VCAN: variants seen among roughly 807,000 people sequenced by gnomAD.
VCAN encodes the protein versican.
VCAN carries 44 observed loss-of-function variants against 245.5 expected under a neutral mutation model. That is an observed-to-expected ratio of 0.18 (90% CI 0.14 to 0.23). The LOEUF is 0.23. Among genes scored for constraint, VCAN ranks in the 10% least tolerant of loss-of-function variants. The pLI is 1.00. For synonymous variants in VCAN, 1,413 were observed against 1,437.0 expected (o/e 0.98, Z 0.38); for missense variants, 3,793 against 4,057.9 (o/e 0.93, Z 1.77).
At chr5:83,488,495 G>A (rs1019893760) in intron 2 of VCAN, among the ~76,000 whole-genome samples, 1 of 152,202 alleles carries the variant, frequency 6.6e-6, no homozygotes, top group East Asian at 1.9e-4. Context: ...CTTCCTCTCA[G>A]TGGAGGATCC....
chr5:83,490,762 G>C, intron 3 of VCAN, among the ~76,000 whole-genome samples: 1 of 152,170 alleles, frequency 6.6e-6, no homozygotes, highest in East Asian at 1.9e-4. Context: ...TTACTTCAGT[G>C]TTGAGTCTTA....
chr5:83,481,474 A>G (rs1410053353), intron 1 of VCAN, among the ~76,000 whole-genome samples: 6 of 152,158 alleles, frequency 3.9e-5, no homozygotes, highest in Non-Finnish European at 8.8e-5. Flanking sequence ...TTGTAATAGC[A>G]TAGATATATG....
Position 83,520,196 on chromosome 5 carries a change from G to A in VCAN, c.1890G>A (p.Arg630=), listed in dbSNP as rs771092455. 4.3e-6 allele frequency: 7 copies of A among 1,614,004 alleles called. No individual in the cohort carries two copies. Among genetic ancestry groups the A allele is most frequent in the Non-Finnish European group, 1.7e-6 (2 of 1,179,952 alleles). The change falls in exon 7 of 15, where the codon AGG becomes AGA. Residue 630 remains arginine, a synonymous_variant. Coordinates refer to ENST00000265077, the MANE Select transcript of VCAN (RefSeq NM_004385.5). ...GGGAAGAGAGACAAACTAGTGGTAGGATAACGGAAGAGTTTCTTGGCAAAT... is the reference window on the plus strand; with the variant it reads ...GGGAAGAGAGACAAACTAGTGGTAGAATAACGGAAGAGTTTCTTGGCAAAT... ...DDWEERQTSG[R]ITEEFLGKYL... is the part of the protein sequence containing the mutation.
At chr5:83,514,830 G>A (rs1745791769) in intron 6 of VCAN, among the ~76,000 whole-genome samples, 1 of 152,132 alleles carries the variant, frequency 6.6e-6, no homozygotes, top group Admixed American at 6.6e-5. Flanking sequence ...TTCCCACATA[G>A]TCAAGTAGTG....
At chr5:83,555,373 G>A (rs2112473236) in intron 12 of VCAN, among the ~76,000 whole-genome samples, 1 of 152,290 alleles carries the variant, frequency 6.6e-6, no homozygotes. Context: ...AGAATAAAAT[G>A]TAGCAGAAAA....
chr5:83,500,987 C>G (rs1030904170), intron 5 of VCAN, among the ~76,000 whole-genome samples: 14 of 151,952 alleles, frequency 9.2e-5, no homozygotes, highest in African/African-American at 3.4e-4. Flanking sequence ...ATTATCTGAC[C>G]TTTTGTGTAG....
chr5:83,526,781 T>C (rs1057374938), intron 7 of VCAN, among the ~76,000 whole-genome samples: 2 of 152,178 alleles, frequency 1.3e-5, no homozygotes, highest in Non-Finnish European at 2.9e-5. Flanking sequence ...CTATGTGTCA[T>C]CAAGATAATA....
chr5:83,490,435 T>A lies in VCAN; in HGVS notation c.408T>A (p.Ile136=). The part of the protein sequence containing the change: ...GLYRCDVMYG[I]EDTQDTVSLT... ...ACCGCTGTGACGTCATGTACGGGATTGAAGACACACAAGACACGGTGTCAC... is the reference window on the plus strand; with the variant it reads ...ACCGCTGTGACGTCATGTACGGGATAGAAGACACACAAGACACGGTGTCAC... Residue 136 remains isoleucine, a synonymous_variant, in exon 3 of 15, where the codon ATT becomes ATA. Coordinates refer to ENST00000265077, the MANE Select transcript of VCAN (RefSeq NM_004385.5). 1 of 1,614,186 alleles carries A rather than the reference T, an allele frequency of 6.2e-7. No individual in the cohort carries two copies. The highest frequency in any genetic ancestry group is 8.5e-7 in the Non-Finnish European group (1 of 1,180,036).
intron 5 of VCAN, among the ~76,000 whole-genome samples, chr5:83,506,939 T>C (rs1405237876): frequency 1.3e-5 from 2 of 152,120 alleles, no homozygotes; most frequent in Non-Finnish European, 2.9e-5. Context: ...ATCATGAGAA[T>C]AGCACGGGGA....
In VCAN at chr5:83,537,312, G is replaced by C; in HGVS notation, c.4309G>C (p.Val1437Leu). The C allele has an allele frequency of 6.2e-7, 1 of 1,613,986 alleles. No homozygotes were observed. Among genetic ancestry groups the C allele is most frequent in the Non-Finnish European group, 8.5e-7 (1 of 1,179,960 alleles). The change falls in exon 8 of 15, where the codon GTT becomes CTT. Residue 1437 changes from valine (V) to leucine (L), a missense_variant. Transcript: ENST00000265077. The stretch of plus-strand genomic sequence containing the variant: ...AGCTAGGCGTGGCCAGTTTGAAAGT[G>C]TTGCACCTTCTCAGAATTTCTCGGA... ...AEARRGQFES[V>L]APSQNFSDSS...
chr5:83,501,558 A>G (rs1745330742), intron 5 of VCAN, among the ~76,000 whole-genome samples: 1 of 152,204 alleles, frequency 6.6e-6, no homozygotes, highest in Admixed American at 6.5e-5. Flanking sequence ...TTATTTCTCC[A>G]TTTAATGACC....
intron 7 of VCAN, among the ~76,000 whole-genome samples, chr5:83,527,529 T>A (rs1746348770): frequency 6.6e-6 from 1 of 152,222 alleles, no homozygotes; most frequent in Non-Finnish European, 1.5e-5. Context: ...TCCTTTCCTT[T>A]CTGTAGTGTT....
rs114165702 is a variant in VCAN at position 83,500,922 on chromosome 5, C to T, written c.748+6991C>T. Among the ~76,000 whole-genome samples the T allele has an allele frequency of 7.0e-3, 1,065 of 152,268 alleles. 14 individuals are homozygous for T. Among genetic ancestry groups the T allele is most frequent in the African/African-American group, 0.024 (994 of 41,570 alleles). On this transcript the variant is annotated intron_variant, in intron 5 of 14. Transcript: ENST00000265077. ...CAATGTGGCTGTACCATTTTACATT[C>T]TCATCAGCAGTGTATTAGGGTCCTG...
intron 5 of VCAN, among the ~76,000 whole-genome samples, chr5:83,497,454 C>T (rs1007908155): frequency 1.3e-5 from 2 of 151,994 alleles, no homozygotes; most frequent in African/African-American, 4.8e-5. Context: ...TTCAATTCTG[C>T]TTTTCAAAAT....
At position 83,521,020 on chromosome 5, in the gene VCAN, A is replaced by AAG; in HGVS notation, c.2715_2716dup (p.Val906GlufsTer24). On this transcript the variant is annotated frameshift_variant, in exon 7 of 15. Coordinates refer to ENST00000265077, the MANE Select transcript of VCAN (RefSeq NM_004385.5). LOFTEE classifies it high-confidence loss of function. The stretch of plus-strand genomic sequence containing the variant: ...TTGAGAGATTCTACAACTGAAGAAA[A>AAG]AGTTCCACCTATCACAAGCACTGAA... The AAG allele has an allele frequency of 6.2e-7, 1 of 1,613,690 alleles. No homozygotes were observed. The highest frequency in any genetic ancestry group is 8.5e-7 in the Non-Finnish European group (1 of 1,179,872).
At chr5:83,545,465 G>A (rs1580053380) in intron 8 of VCAN, 72 bp from the exon 9 acceptor site, 6 of 1,259,278 alleles carry the variant, frequency 4.8e-6, no homozygotes, top group Admixed American at 3.4e-5. Context: ...AATATGGGGC[G>A]TTTTATGCTA....
chr5:83,514,752 C>T (rs1745789862), intron 6 of VCAN, among the ~76,000 whole-genome samples: 2 of 152,084 alleles, frequency 1.3e-5, no homozygotes, highest in African/African-American at 4.8e-5. Context: ...AGCCACTGCT[C>T]CTGGCCTAGT....
At position 83,521,398 on chromosome 5, in the gene VCAN, C is replaced by T. The variant is rs949580210; in HGVS notation, c.3092C>T (p.Thr1031Ile). 8 of 1,614,146 alleles carry T rather than the reference C, an allele frequency of 5.0e-6. No homozygotes were observed. The highest frequency in any genetic ancestry group is 6.8e-6 in the Non-Finnish European group (8 of 1,180,012). Residue 1031 changes from threonine (T) to isoleucine (I), a missense_variant, in exon 7 of 15, where the codon ACT (threonine) becomes ATT (isoleucine). This residue lies in a region of VCAN where 3,182 missense variants were observed against 3,250.3 expected (regional missense o/e 0.98). Transcript: ENST00000265077. ...ACAACAAAAATCACAGAGGGAACAA[C>T]TCAGGAAGAATTCCCTTGGAAAGAA... Reference protein sequence around the residue: ...MRTTKITEGTTQEEFPWKEQT... With the variant: ...MRTTKITEGTIQEEFPWKEQT...
rs1007158573 is a variant in VCAN, at chr5:83,522,312, A to G, written c.4003+3A>G. On this transcript the variant is annotated splice_donor_region_variant and intron_variant, in intron 7 of 14. Coordinates refer to ENST00000265077, the MANE Select transcript of VCAN (RefSeq NM_004385.5). ...TGAGGTCAGAGAAAATAAGACAGGT[A>G]AGTCTTTGCTTTCTAGACTAGCATT... The G allele has an allele frequency of 1.9e-6, 3 of 1,598,160 alleles. No homozygotes were observed. The highest frequency in any genetic ancestry group is 3.3e-5 in the Admixed American group (2 of 59,978).
Sources: gnomAD v4.1 joint callset for allele counts (sites outside exome capture counted in the v4.1 genomes callset) on GRCh38, gnomAD v4.1.1 for gene constraint, gnomAD v4.1.1 regional missense constraint, MANE v1.5 for transcripts, NCBI Gene and HGNC (gene_info 2026-07-23, HGNC 2026-07-21) for gene names.